PIGU: variants seen among roughly 807,000 people sequenced by gnomAD.
PIGU encodes GPI-anchor transamidase component PIGU.
PIGU carries 24 observed loss-of-function variants against 49.9 expected under a neutral mutation model. The ratio of observed to expected loss-of-function variants is 0.48; its 90% CI spans 0.35 to 0.68. The LOEUF (loss-of-function observed/expected upper bound fraction) is 0.68, where lower values mean the gene tolerates loss of function less well. Among genes scored for constraint, PIGU ranks in the 30% least tolerant of loss-of-function variants. The pLI, the probability that PIGU is intolerant of heterozygous loss-of-function variation, is 0.01. For synonymous variants in PIGU, 220 were observed against 205.7 expected (o/e 1.07, Z -0.59); for missense variants, 490 against 532.6 (o/e 0.92, Z 0.79).
At chr20:34,583,684 A>ACC (rs1419136915) in intron 9 of PIGU, among the ~76,000 whole-genome samples, 1 of 152,214 alleles carries the variant, frequency 6.6e-6, no homozygotes, top group East Asian at 1.9e-4. Context: ...GCTGGGCCTA[A>ACC]CCGGAACAAG....
chr20:34,578,671 A>T (rs1227394325), intron 10 of PIGU, among the ~76,000 whole-genome samples: 1 of 152,208 alleles, frequency 6.6e-6, no homozygotes, highest in Non-Finnish European at 1.5e-5. Context: ...CATCACCAGC[A>T]TGCAGTTGGC....
At chr20:34,665,690 A>C (rs1987069205) in intron 1 of PIGU, among the ~76,000 whole-genome samples, 1 of 152,084 alleles carries the variant, frequency 6.6e-6, no homozygotes, top group Admixed American at 6.6e-5. Context: ...ACTTATTACT[A>C]TCCTTACTTT....
chr20:34,579,980 T>C (rs1025681794), intron 10 of PIGU, among the ~76,000 whole-genome samples: 1 of 152,216 alleles, frequency 6.6e-6, no homozygotes, highest in African/African-American at 2.4e-5. Context: ...TTTCTTTATT[T>C]GATTAATGGA....
chr20:34,622,739 T>A (rs1985292728), intron 6 of PIGU, among the ~76,000 whole-genome samples: 1 of 151,816 alleles, frequency 6.6e-6, no homozygotes, highest in Admixed American at 6.6e-5. Flanking sequence ...GGACTAAGAG[T>A]TTTACCCCAA....
In PIGU at chr20:34,637,991, A is replaced by G; in HGVS notation, c.319-6T>C. 9.2e-7 allele frequency: 1 copy of G among 1,084,816 alleles called. No homozygotes were observed. The highest frequency in any genetic ancestry group is 2.7e-5 in the Admixed American group (1 of 36,958). The allele number at this position is 1,084,816 out of a possible 1,614,324, so 67.2% of individuals were successfully genotyped here. A position where few individuals can be genotyped will look rare whatever the true frequency, so the allele number is the denominator to read the frequency against. ...AGGAGTTTCTGCTTTTTAAACTAGA[A>G]AAAAAAAAAAAAGGAAAAGATAAAA... On this transcript the variant is annotated splice_region_variant and splice_polypyrimidine_tract_variant and intron_variant, in intron 4 of 11. Transcript: ENST00000217446.
At chr20:34,661,639 C>T (rs966544207) in intron 1 of PIGU, among the ~76,000 whole-genome samples, 1 of 151,660 alleles carries the variant, frequency 6.6e-6, no homozygotes, top group Non-Finnish European at 1.5e-5. Flanking sequence ...AGGTTAATTC[C>T]ATGTCTTTGC....
chr20:34,632,439 G>A (rs1429920225), intron 6 of PIGU, among the ~76,000 whole-genome samples: 1 of 151,314 alleles, frequency 6.6e-6, no homozygotes, highest in Non-Finnish European at 1.5e-5. Context: ...CACAATCTTG[G>A]CTCACTGCAA....
Position 34,630,019 on chromosome 20 carries a change from GC to G in PIGU, c.529+4595del, listed in dbSNP as rs774320480. Among the ~76,000 whole-genome samples, 18 of 152,246 alleles carry G rather than the reference GC, an allele frequency of 1.2e-4. No homozygotes were observed. The South Asian group carries it at 1.9e-3, about 16-fold the overall frequency. ...CAAAGAGGATTACTAATAAAAATCA[GC>G]CAACTCACCCCACAGAACTTCTGAG... On this transcript the variant is annotated intron_variant, in intron 6 of 11. Transcript: ENST00000217446.
intron 7 of PIGU, among the ~76,000 whole-genome samples, chr20:34,608,652 A>G (rs942527321): frequency 6.6e-6 from 1 of 152,198 alleles, no homozygotes; most frequent in African/African-American, 2.4e-5. Flanking sequence ...AGATAATGTC[A>G]AGAGCAGATG....
chr20:34,648,813 T>C lies in PIGU; in HGVS notation c.196-3479A>G, dbSNP rs191101482. On this transcript the variant is annotated intron_variant, in intron 2 of 11. Coordinates refer to ENST00000217446, the MANE Select transcript of PIGU (RefSeq NM_080476.5). ...ATCCGCCTGCCTCAGCCTCTCAAAG[T>C]GTTAGGATTACAGGCATGAGCCACT... Among the ~76,000 whole-genome samples, 1,254 of 152,196 alleles carry C rather than the reference T, an allele frequency of 8.2e-3. 25 individuals carry two copies. The highest frequency in any genetic ancestry group is 0.029 in the African/African-American group (1,214 of 41,528).
intron 11 of PIGU, among the ~76,000 whole-genome samples, chr20:34,561,968 C>T (rs372844487): frequency 6.6e-6 from 1 of 152,308 alleles, no homozygotes; most frequent in African/African-American, 2.4e-5. Flanking sequence ...TGGCCCGGGG[C>T]CTCCATCAGG....
intron 8 of PIGU, among the ~76,000 whole-genome samples, chr20:34,588,233 C>T (rs893480491): frequency 4.6e-5 from 7 of 151,790 alleles, no homozygotes; most frequent in Non-Finnish European, 1.0e-4. Context: ...GACTGGGCAA[C>T]AGAGCGACAC....
rs549792988 is a variant in PIGU, at chr20:34,674,986, C to T, written c.130+1970G>A. 3.3e-4 allele frequency among the ~76,000 whole-genome samples: 49 copies of T among 148,520 alleles called. 1 individual carries two copies. Among genetic ancestry groups the T allele is most frequent in the Admixed American group, 8.7e-4 (13 of 14,872 alleles). Reference sequence around the variant, plus strand: ...AAAAGAGGCCAGGCATGGCGGCTCACACCTGTAATCCCAGCACTTTGGGAG... The same window carrying T: ...AAAAGAGGCCAGGCATGGCGGCTCATACCTGTAATCCCAGCACTTTGGGAG... On this transcript the variant is annotated intron_variant, in intron 1 of 11. Transcript: ENST00000217446.
intron 7 of PIGU, among the ~76,000 whole-genome samples, chr20:34,601,929 G>A (rs1466526215): frequency 2.0e-5 from 3 of 152,194 alleles, no homozygotes; most frequent in Non-Finnish European, 4.4e-5. Context: ...GTGAACAGGT[G>A]AGATTTCATC....
At chr20:34,655,389 C>T (rs1986671687) in intron 2 of PIGU, among the ~76,000 whole-genome samples, 1 of 118,874 alleles carries the variant, frequency 8.4e-6, no homozygotes, top group Admixed American at 1.1e-4. Flanking sequence ...ACGGAAAGGG[C>T]AGTGGGACGC....
intron 10 of PIGU, among the ~76,000 whole-genome samples, chr20:34,578,508 T>C (rs993949892): frequency 1.3e-5 from 2 of 152,140 alleles, no homozygotes. Context: ...CCAGACCAGG[T>C]GGTTCTTGTT....
At chr20:34,671,905 A>G (rs1987318580) in intron 1 of PIGU, among the ~76,000 whole-genome samples, 1 of 152,014 alleles carries the variant, frequency 6.6e-6, no homozygotes, top group South Asian at 2.1e-4. Flanking sequence ...CCAGGGCAAC[A>G]AGAGTGAAAC....
Position 34,560,809 on chromosome 20 carries a change from G to C in PIGU, c.*57C>G, listed in dbSNP as rs956159827. ...CTGGCAACTCTGGCTGGAGGGCTTG[G>C]CCCAGCTTCTGGCCCCACAGCCCCC... On this transcript the variant is annotated 3_prime_UTR_variant, in exon 12 of 12. Coordinates refer to ENST00000217446, the MANE Select transcript of PIGU (RefSeq NM_080476.5). The C allele has an allele frequency of 7.6e-7, 1 of 1,321,482 alleles. No homozygotes were observed. The highest frequency in any genetic ancestry group is 1.0e-6 in the Non-Finnish European group (1 of 972,452). 81.9% of individuals were successfully genotyped at this position (1,321,482 alleles called of 1,614,324 possible).
chr20:34,582,194 C>T (rs1039430769), intron 9 of PIGU, among the ~76,000 whole-genome samples: 1 of 152,208 alleles, frequency 6.6e-6, no homozygotes, highest in Non-Finnish European at 1.5e-5. Context: ...GAACTGTGAA[C>T]TGCACAGAGC....
Sources: allele counts gnomAD v4.1 joint callset (sites outside exome capture counted in the v4.1 genomes callset), GRCh38; gene constraint gnomAD v4.1.1; transcripts MANE v1.5; gene names NCBI Gene and HGNC (gene_info 2026-07-23, HGNC 2026-07-21).